The following RPRD1A variants were observed in gnomAD, a reference collection of about 807,000 sequenced individuals.
RPRD1A encodes the protein regulation of nuclear pre-mRNA domain containing 1A.
Under a neutral mutation model 37.8 loss-of-function variants are expected in RPRD1A, and 9 were observed. The ratio of observed to expected loss-of-function variants is 0.24; its 90% confidence interval spans 0.14 to 0.42. RPRD1A has a LOEUF of 0.42. RPRD1A is among the 10% of genes least tolerant of loss of function. RPRD1A has a pLI of 1.00. For missense variants in RPRD1A, 255 were observed against 371.0 expected, an observed-to-expected ratio of 0.69 and a Z score of 2.57; for synonymous variants, 138 against 139.7, an observed-to-expected ratio of 0.99 and a Z score of 0.08.
chr18:36,006,468 T>C (rs1182570088), intron 6 of RPRD1A, among the ~76,000 whole-genome samples: 1 of 152,224 alleles, frequency 6.6e-6, no homozygotes, highest in Non-Finnish European at 1.5e-5. Context: ...AGTGTTGGCA[T>C]TACAGGCATG....
chr18:36,043,570 G>C (rs1423325271), intron 1 of RPRD1A, among the ~76,000 whole-genome samples: 1 of 152,084 alleles, frequency 6.6e-6, no homozygotes, highest in Non-Finnish European at 1.5e-5. Flanking sequence ...CTTCATCCTG[G>C]ACCATTAGAC....
rs993307410 is a variant in RPRD1A at position 36,066,551 on chromosome 18, T to C, written c.151+703A>G. ...ATACATGAACTGATTCTGAATATTTTAGTGACAGACATCTCAAAAAAGTTT... is the reference window on the plus strand; with the variant it reads ...ATACATGAACTGATTCTGAATATTTCAGTGACAGACATCTCAAAAAAGTTT... On this transcript the variant is annotated intron_variant, in intron 1 of 6. Transcript: ENST00000399022. Among the ~76,000 whole-genome samples the C allele has an allele frequency of 7.9e-5, 12 of 152,368 alleles. No homozygotes were observed. In the East Asian group the frequency reaches 1.7e-3, roughly 22 times the overall value.
chr18:36,001,570 C>T (rs1375610851), intron 6 of RPRD1A, among the ~76,000 whole-genome samples: 2 of 152,116 alleles, frequency 1.3e-5, no homozygotes, highest in African/African-American at 4.8e-5. Context: ...ATAAGGTTTT[C>T]ACAAGCAGGC....
rs1911725901 is a variant in RPRD1A at position 36,030,841 on chromosome 18, A to C, written c.453T>G (p.Cys151Trp). 6.2e-7 allele frequency: 1 copy of C among 1,613,134 alleles called. No individual in the cohort carries two copies. The highest frequency in any genetic ancestry group is 1.3e-5 in the African/African-American group (1 of 74,908). The change falls in exon 4 of 7, where the codon TGT becomes TGG. Residue 151 changes from cysteine to tryptophan, a missense_variant. Cys to Trp is a radical substitution (Grantham distance 215). This residue lies in a region of RPRD1A where 211 missense variants were observed against 268.9 expected (regional missense o/e 0.78). Coordinates refer to ENST00000399022, the MANE Select transcript of RPRD1A (RefSeq NM_018170.5). Reference sequence around the variant, plus strand: ...GTTCACTTGGAGATCCCAGAGAGGAACAGTTTTCATTTTCATCCACCTTTA... The same window carrying C: ...GTTCACTTGGAGATCCCAGAGAGGACCAGTTTTCATTTTCATCCACCTTTA... ...EQIKVDENENCSSLGSPSEPP... is the reference protein window; with the variant it reads ...EQIKVDENENWSSLGSPSEPP...
At chr18:36,010,786 A>G (rs1004594407) in intron 6 of RPRD1A, among the ~76,000 whole-genome samples, 1 of 152,234 alleles carries the variant, frequency 6.6e-6, no homozygotes, top group African/African-American at 2.4e-5. Context: ...CCAAAAGGGT[A>G]AACAGCAAAT....
chr18:36,060,977 A>T (rs1598673945), intron 1 of RPRD1A, among the ~76,000 whole-genome samples: 2 of 151,952 alleles, frequency 1.3e-5, no homozygotes, highest in Admixed American at 1.3e-4. Flanking sequence ...AAAAAAAAAA[A>T]TTTAGGAAAC....
At chr18:36,057,434 C>T (rs963990457) in intron 1 of RPRD1A, among the ~76,000 whole-genome samples, 10 of 152,044 alleles carry the variant, frequency 6.6e-5, no homozygotes, top group African/African-American at 2.2e-4. Context: ...ATGGCAAACA[C>T]GGTCTCTACA....
At position 36,017,074 on chromosome 18, in the gene RPRD1A, G is replaced by A. The variant is rs568871299; in HGVS notation, c.789+9826C>T. Among the ~76,000 whole-genome samples the A allele has an allele frequency of 1.3e-4, 20 of 152,080 alleles. 1 individual carries two copies. The highest frequency in any genetic ancestry group is 4.3e-4 in the African/African-American group (18 of 41,486). On this transcript the variant is annotated intron_variant, in intron 6 of 6. Transcript: ENST00000399022. ...TAATCCCAACACTCTGGGAGGCGAG[G>A]GCAGGTGGATCACCTACCTGAGCCC... is the stretch of plus-strand genomic sequence containing the variant.
intron 6 of RPRD1A, among the ~76,000 whole-genome samples, chr18:36,002,403 C>G (rs1244938997): frequency 2.6e-5 from 4 of 152,116 alleles, no homozygotes; most frequent in African/African-American, 9.7e-5. Context: ...TGCTGAACTG[C>G]CCATCAAACA....
chr18:36,052,452 T>C (rs930272505), intron 1 of RPRD1A, among the ~76,000 whole-genome samples: 1 of 152,192 alleles, frequency 6.6e-6, no homozygotes, highest in Non-Finnish European at 1.5e-5. Flanking sequence ...TTGTTTCCTA[T>C]GTGATTTAAA....
At chr18:36,009,388 C>T (rs1463891265) in intron 6 of RPRD1A, among the ~76,000 whole-genome samples, 6 of 152,142 alleles carry the variant, frequency 3.9e-5, no homozygotes, top group Non-Finnish European at 8.8e-5. Context: ...GGGGTTTACC[C>T]GCCATTCCAC....
At chr18:36,000,257 A>G (rs150568072) in intron 6 of RPRD1A, among the ~76,000 whole-genome samples, 1 of 152,076 alleles carries the variant, frequency 6.6e-6, no homozygotes, top group African/African-American at 2.4e-5. Flanking sequence ...AAAAATATAA[A>G]CTCCAATATA....
intron 1 of RPRD1A, chr18:36,064,450 G>C (rs1042144783): frequency 6.6e-6 from 1 of 152,350 alleles, no homozygotes; most frequent in African/African-American, 2.4e-5. Flanking sequence ...TCTAGCTAAA[G>C]GATTGTAAAC....
In RPRD1A at chr18:35,990,049, C is replaced by A. The variant is rs1908635384; in HGVS notation, c.*3102G>T. On this transcript the variant is annotated 3_prime_UTR_variant, in exon 7 of 7. Transcript: ENST00000399022. The stretch of plus-strand genomic sequence containing the variant: ...TGTTTCCTTTCTATACAGAGAAGAA[C>A]TGGGCTTACATTTTAAGTTTTGATA... 1 of 152,118 alleles carries A rather than the reference C, an allele frequency of 6.6e-6. No individual in the cohort carries two copies. The highest frequency in any genetic ancestry group is 2.4e-5 in the African/African-American group (1 of 41,420). The allele number at this position is 152,118 out of a possible 1,614,324, so 9.4% of individuals were successfully genotyped here.
At position 36,013,879 on chromosome 18, in the gene RPRD1A, A is replaced by T. The variant is rs1910330727; in HGVS notation, c.789+13021T>A. Among the ~76,000 whole-genome samples, 3 of 152,324 alleles carry T rather than the reference A, an allele frequency of 2.0e-5. 1 individual carries two copies. The South Asian group carries it at 6.2e-4, about 32-fold the overall frequency. Reference sequence around the variant, plus strand: ...AAATTTCTTAAACACCAACAAAATGATCTATCTAGAATCCTATAAACAAAA... The same window carrying T: ...AAATTTCTTAAACACCAACAAAATGTTCTATCTAGAATCCTATAAACAAAA... On this transcript the variant is annotated intron_variant, in intron 6 of 6. Transcript: ENST00000399022.
At chr18:36,033,299 C>CAAAAAAAAA (rs71166085) in intron 2 of RPRD1A, among the ~76,000 whole-genome samples, 2 of 75,940 alleles carry the variant, frequency 2.6e-5, no homozygotes, top group Admixed American at 1.8e-4. Context: ...GACTCTGTCT[C>CAAAAAAAAA]AAAAAAAAAA....
chr18:35,999,984 T>C (rs531726079), intron 6 of RPRD1A, among the ~76,000 whole-genome samples: 4 of 152,314 alleles, frequency 2.6e-5, no homozygotes, highest in African/African-American at 9.6e-5. Context: ...TGTCCTGGAA[T>C]TGGGCCCTTT....
At chr18:36,034,245 A>G (rs980961789) in intron 1 of RPRD1A, among the ~76,000 whole-genome samples, 1 of 152,234 alleles carries the variant, frequency 6.6e-6, no homozygotes. Flanking sequence ...CATGAAATGT[A>G]AAACAGGTTG....
At chr18:36,049,355 A>G (rs75344033) in intron 1 of RPRD1A, among the ~76,000 whole-genome samples, 2,859 of 152,326 alleles carry the variant, frequency 0.019, 84 homozygotes, top group African/African-American at 0.065. Context: ...TTAAAAATAC[A>G]GTTGACTTCT....
Sources: gnomAD v4.1 joint callset for allele counts (sites outside exome capture counted in the v4.1 genomes callset) on GRCh38, gnomAD v4.1.1 for gene constraint, gnomAD v4.1.1 regional missense constraint, MANE v1.5 for transcripts, NCBI Gene and HGNC (gene_info 2026-07-23, HGNC 2026-07-21) for gene names.